Variants in KCTD16 observed in about 807,000 individuals in gnomAD.
KCTD16 encodes the protein BTB/POZ domain-containing protein KCTD16.
Under a neutral mutation model 33.2 loss-of-function variants are expected in KCTD16, and 13 were observed. That is an observed-to-expected ratio of 0.39 (90% confidence interval 0.25 to 0.62). The LOEUF (loss-of-function observed/expected upper bound fraction) is 0.62. KCTD16 is among the 20% of genes least tolerant of loss of function. The pLI, the probability that KCTD16 is intolerant of heterozygous loss-of-function variation, is 0.50. For synonymous variants in KCTD16, 197 were observed against 195.3 expected (o/e 1.01, Z -0.07); for missense variants, 441 against 525.1 (o/e 0.84, Z 1.57).
intron 3 of KCTD16, among the ~76,000 whole-genome samples, chr5:144,360,103 T>A (rs1001297308): frequency 6.6e-5 from 10 of 152,174 alleles, no homozygotes; most frequent in Admixed American, 4.6e-4. Context: ...TCTTTTTTTT[T>A]AAATTATACT....
intron 2 of KCTD16, among the ~76,000 whole-genome samples, chr5:144,196,977 T>C (rs1277903931): frequency 1.3e-5 from 2 of 152,216 alleles, no homozygotes; most frequent in Non-Finnish European, 2.9e-5. Context: ...TCCTACCTCA[T>C]ATTTGAATTA....
At chr5:144,231,465 A>T (rs536197848) in intron 3 of KCTD16, among the ~76,000 whole-genome samples, 1 of 152,156 alleles carries the variant, frequency 6.6e-6, no homozygotes, top group Admixed American at 6.5e-5. Context: ...ATTTTATAGT[A>T]ATATTGTTAT....
At chr5:144,281,650 A>C (rs557397966) in intron 3 of KCTD16, among the ~76,000 whole-genome samples, 9 of 152,288 alleles carry the variant, frequency 5.9e-5, no homozygotes, top group African/African-American at 2.2e-4. Context: ...ACTTGAAAAA[A>C]AATTCATTTT....
chr5:144,447,974 A>G (rs540798003), intron 3 of KCTD16, among the ~76,000 whole-genome samples: 20 of 152,160 alleles, frequency 1.3e-4, no homozygotes, highest in African/African-American at 4.6e-4. Flanking sequence ...GACACTCTCC[A>G]TGTAATTTCA....
At chr5:144,189,300 G>A (rs1038516515) in intron 2 of KCTD16, among the ~76,000 whole-genome samples, 1 of 152,028 alleles carries the variant, frequency 6.6e-6, no homozygotes, top group Non-Finnish European at 1.5e-5. Context: ...AGACCATCCT[G>A]GCTAACATGG....
At chr5:144,314,678 T>G (rs774621999) in intron 3 of KCTD16, among the ~76,000 whole-genome samples, 2 of 152,194 alleles carry the variant, frequency 1.3e-5, no homozygotes, top group Admixed American at 6.6e-5. Context: ...TTAGTTATAC[T>G]TCCTTAAAAA....
At chr5:144,240,706 T>C (rs1754379792) in intron 3 of KCTD16, among the ~76,000 whole-genome samples, 1 of 152,110 alleles carries the variant, frequency 6.6e-6, no homozygotes, top group South Asian at 2.1e-4. Flanking sequence ...CCCCAGTATT[T>C]TCTTATCTCT....
chr5:144,208,862 A>G (rs1580788917), intron 3 of KCTD16, among the ~76,000 whole-genome samples: 1 of 152,242 alleles, frequency 6.6e-6, no homozygotes, highest in Non-Finnish European at 1.5e-5. Context: ...GATAACAAAC[A>G]TCATTTGGTT....
At chr5:144,386,268 G>A (rs1752321751) in intron 3 of KCTD16, among the ~76,000 whole-genome samples, 1 of 152,144 alleles carries the variant, frequency 6.6e-6, no homozygotes, top group African/African-American at 2.4e-5. Context: ...CCTTCCGAAT[G>A]GCAGCTCCAT....
chr5:144,273,148 A>C (rs1755347091), intron 3 of KCTD16, among the ~76,000 whole-genome samples: 1 of 152,176 alleles, frequency 6.6e-6, no homozygotes, highest in Non-Finnish European at 1.5e-5. Flanking sequence ...ACCCAATTTA[A>C]AAATGGGCAA....
chr5:144,432,620 C>G (rs531508090), intron 3 of KCTD16, among the ~76,000 whole-genome samples: 1 of 151,584 alleles, frequency 6.6e-6, no homozygotes, highest in East Asian at 1.9e-4. Context: ...GTGGCAAAGA[C>G]AAAAACATAA....
rs549380603 is a variant in KCTD16, at chr5:144,371,767, C to T, written c.833-101893C>T. Among the ~76,000 whole-genome samples the T allele has an allele frequency of 2.6e-5, 4 of 151,942 alleles. No homozygotes were observed. In the South Asian group the frequency reaches 8.3e-4, roughly 32 times the overall value. ...CTTTTTAATTTAGATCTAAGAAATA[C>T]TTGATCAAAAACACTTCTGTTCCTT... On this transcript the variant is annotated intron_variant, in intron 3 of 3. Transcript: ENST00000512467.
intron 3 of KCTD16, among the ~76,000 whole-genome samples, chr5:144,246,242 G>A (rs531766121): frequency 6.6e-6 from 1 of 152,126 alleles, no homozygotes; most frequent in African/African-American, 2.4e-5. Context: ...CCAGAGTGGG[G>A]CTTGTAAGTT....
chr5:144,340,250 A>C (rs975761503), intron 3 of KCTD16, among the ~76,000 whole-genome samples: 1 of 151,832 alleles, frequency 6.6e-6, no homozygotes, highest in Non-Finnish European at 1.5e-5. Context: ...AAAATACAAA[A>C]AATTAGCTGG....
chr5:144,464,693 C>T (rs1425222711), intron 3 of KCTD16, among the ~76,000 whole-genome samples: 1 of 137,340 alleles, frequency 7.3e-6, no homozygotes, highest in Non-Finnish European at 1.6e-5. Context: ...CCTCTTACTC[C>T]TCTTCTTCCT....
At chr5:144,254,359 G>A (rs1423437779) in intron 3 of KCTD16, among the ~76,000 whole-genome samples, 2 of 151,344 alleles carry the variant, frequency 1.3e-5, no homozygotes, top group Non-Finnish European at 2.9e-5. Flanking sequence ...TTGCCAGGAT[G>A]GTCTTGATCT....
intron 3 of KCTD16, among the ~76,000 whole-genome samples, chr5:144,328,676 G>A (rs765868331): frequency 1.3e-5 from 2 of 151,906 alleles, no homozygotes; most frequent in African/African-American, 2.4e-5. Flanking sequence ...TGAACATCAA[G>A]GCCCTCTATC....
intron 3 of KCTD16, among the ~76,000 whole-genome samples, chr5:144,343,174 T>C (rs1218549432): frequency 6.6e-6 from 1 of 152,224 alleles, no homozygotes; most frequent in South Asian, 2.1e-4. Context: ...TCCTTGTACC[T>C]CTGGTAGAAT....
chr5:144,375,892 C>T (rs1372411288), intron 3 of KCTD16, among the ~76,000 whole-genome samples: 1 of 151,980 alleles, frequency 6.6e-6, no homozygotes, highest in African/African-American at 2.4e-5. Context: ...CTCACTGCAA[C>T]CTCCGCCTCC....
Sources: gnomAD v4.1 joint callset for allele counts (sites outside exome capture counted in the v4.1 genomes callset) on GRCh38, gnomAD v4.1.1 for gene constraint, MANE v1.5 for transcripts, NCBI Gene and HGNC (gene_info 2026-07-23, HGNC 2026-07-21) for gene names.